The following NAA25 variants were observed in gnomAD, a reference collection of about 807,000 sequenced individuals.
NAA25 encodes N-terminal acetyltransferase B complex subunit NAA25.
In NAA25, 30 loss-of-function variants were observed where a neutral mutation model predicts 132.5. The observed-to-expected ratio is 0.23, with a 90% confidence interval of 0.17 to 0.31. The LOEUF (loss-of-function observed/expected upper bound fraction) is 0.31, where lower values mean the gene tolerates loss of function less well. NAA25 is among the 10% of genes least tolerant of loss of function. The probability of loss-of-function intolerance (pLI) is 1.00; values close to 1 mark genes in which losing one functional copy is unlikely to be tolerated. For missense variants in NAA25, 771 were observed against 1,150.4 expected, an observed-to-expected ratio of 0.67 and a Z score of 4.77; for synonymous variants, 359 against 401.9, an observed-to-expected ratio of 0.89 and a Z score of 1.28.
intron 22 of NAA25, among the ~76,000 whole-genome samples, chr12:112,037,282 A>G (rs1192377482): frequency 1.3e-4 from 6 of 45,932 alleles, no homozygotes; most frequent in African/African-American, 8.6e-4. Flanking sequence ...ATACATATAT[A>G]TATATATATA....
At chr12:112,033,433 C>A in intron 22 of NAA25, 54 bp from the exon 23 acceptor site, 1 of 1,484,114 alleles carries the variant, frequency 6.7e-7, no homozygotes, top group Non-Finnish European at 9.0e-7. Context: ...TTACCCATAT[C>A]TACATCACAA....
At chr12:112,108,590 G>A (rs1195449073) in intron 1 of NAA25, 126 bp downstream of exon 1, 2 of 1,053,364 alleles carry the variant, frequency 1.9e-6, no homozygotes, top group Non-Finnish European at 2.4e-6. Context: ...AGTGGCCCGC[G>A]CGGCCCGCCC....
At chr12:112,091,703 CA>C (rs77571529) in intron 2 of NAA25, among the ~76,000 whole-genome samples, 2,066 of 118,006 alleles carry the variant, frequency 0.018, 17 homozygotes, top group Non-Finnish European at 0.025. Flanking sequence ...ACCTTATCTC[CA>C]AAAAAAAAAA....
chr12:112,102,519 TTTG>T (rs768060916), intron 1 of NAA25, among the ~76,000 whole-genome samples: 15 of 152,334 alleles, frequency 9.8e-5, no homozygotes, highest in Non-Finnish European at 1.9e-4. Flanking sequence ...GTCAGGGTTT[TTTG>T]TTGTTGTTGT....
At chr12:112,068,781 A>G in intron 11 of NAA25, 99 bp downstream of exon 11, 3 of 663,492 alleles carry the variant, frequency 4.5e-6, no homozygotes, top group Non-Finnish European at 7.9e-6. Flanking sequence ...TCTCATGATT[A>G]TCAATTCCGC....
chr12:112,046,318 GAGGAGGGAGAA>G (rs2078380957), intron 17 of NAA25, among the ~76,000 whole-genome samples: 1 of 152,218 alleles, frequency 6.6e-6, no homozygotes, highest in East Asian at 1.9e-4. Flanking sequence ...TTTCCCCTCA[GAGGAGGGAGAA>G]AGCACTGGAA....
chr12:112,048,872 CCG>C (rs1437115090), intron 15 of NAA25, among the ~76,000 whole-genome samples: 1 of 151,966 alleles, frequency 6.6e-6, no homozygotes, highest in Non-Finnish European at 1.5e-5. Flanking sequence ...CACCTGCCCC[CCG>C]CCCCCCCAAA....
Position 112,036,933 on chromosome 12 carries a change from T to C in NAA25, c.2649+2296A>G, listed in dbSNP as rs185386323. Among the ~76,000 whole-genome samples the C allele has an allele frequency of 5.4e-4, 82 of 151,422 alleles. No individual in the cohort carries two copies. In the Middle Eastern group the frequency reaches 0.032, roughly 59 times the overall value. The stretch of plus-strand genomic sequence containing the variant: ...TAAAAACGCTGTCTAGTTCTCGTCA[T>C]AGAAATAAACTAGAAGCAGTGAACC... On this transcript the variant is annotated intron_variant, in intron 22 of 23. Coordinates refer to ENST00000261745, the MANE Select transcript of NAA25 (RefSeq NM_024953.4).
intron 7 of NAA25, among the ~76,000 whole-genome samples, chr12:112,077,951 C>T (rs1041381565): frequency 8.6e-5 from 13 of 151,612 alleles, no homozygotes; most frequent in Admixed American, 3.3e-4. Context: ...TAGGGGAAGA[C>T]GGCTAGAGAT....
At chr12:112,062,101 A>C (rs2078638481) in intron 11 of NAA25, among the ~76,000 whole-genome samples, 1 of 152,190 alleles carries the variant, frequency 6.6e-6, no homozygotes, top group African/African-American at 2.4e-5. Flanking sequence ...CCAGTAAGGA[A>C]TAAAAAAAGA....
chr12:112,037,463 C>T (rs909263013), intron 22 of NAA25: 10 of 146,682 alleles, frequency 6.8e-5, no homozygotes, highest in African/African-American at 1.5e-4. Flanking sequence ...CTAATTCAGG[C>T]GCTGAACTAA....
intron 23 of NAA25, among the ~76,000 whole-genome samples, chr12:112,031,842 T>C (rs1189202536): frequency 2.6e-5 from 4 of 151,528 alleles, no homozygotes; most frequent in Non-Finnish European, 5.9e-5. Flanking sequence ...CATTTCTTTC[T>C]ACCTGGTGAA....
intron 3 of NAA25, among the ~76,000 whole-genome samples, chr12:112,090,068 T>C (rs1001421931): frequency 1.3e-5 from 2 of 151,944 alleles, no homozygotes; most frequent in Admixed American, 1.3e-4. Context: ...TGACCTCAAA[T>C]GATCTGCCAG....
At chr12:112,064,835 G>A (rs745763757) in intron 11 of NAA25, among the ~76,000 whole-genome samples, 2 of 151,648 alleles carry the variant, frequency 1.3e-5, no homozygotes, top group Non-Finnish European at 2.9e-5. Context: ...GGGAGTTCGA[G>A]ACCAGCCTCA....
intron 3 of NAA25, among the ~76,000 whole-genome samples, chr12:112,088,298 TA>T (rs1197174674): frequency 1.3e-5 from 2 of 150,820 alleles, no homozygotes; most frequent in African/African-American, 4.9e-5. Context: ...TGGAATCTTA[TA>T]TAAGTAAGTA....
At chr12:112,057,004 A>G (rs1030884664) in intron 13 of NAA25, among the ~76,000 whole-genome samples, 1 of 152,098 alleles carries the variant, frequency 6.6e-6, no homozygotes, top group African/African-American at 2.4e-5. Flanking sequence ...CCTGACCAAC[A>G]TGGTAAAACC....
intron 11 of NAA25, among the ~76,000 whole-genome samples, chr12:112,068,261 CATAG>C (rs1452525028): frequency 6.6e-5 from 10 of 152,028 alleles, no homozygotes; most frequent in Non-Finnish European, 1.3e-4. Context: ...AATAGCTGCC[CATAG>C]ATAGAGATGG....
intron 15 of NAA25, among the ~76,000 whole-genome samples, chr12:112,053,170 T>C (rs2078491601): frequency 6.6e-6 from 1 of 152,080 alleles, no homozygotes; most frequent in Admixed American, 6.5e-5. Context: ...CATTTCAGAG[T>C]TAAATAAAAG....
chr12:112,031,079 C>T (rs2078143764), intron 23 of NAA25, among the ~76,000 whole-genome samples: 1 of 151,908 alleles, frequency 6.6e-6, no homozygotes, highest in Non-Finnish European at 1.5e-5. Context: ...TACACCTGGC[C>T]GAGTTTACAT....
Sources: allele counts gnomAD v4.1 joint callset (sites outside exome capture counted in the v4.1 genomes callset), GRCh38; gene constraint gnomAD v4.1.1; transcripts MANE v1.5; gene names NCBI Gene and HGNC (gene_info 2026-07-23, HGNC 2026-07-21).